The following TRAF5 variants were observed in gnomAD, a reference collection of about 807,000 sequenced individuals.
TRAF5 encodes TNF receptor associated factor 5.
Under a neutral mutation model 64.5 loss-of-function variants are expected in TRAF5, and 48 were observed. The observed-to-expected ratio is 0.74, with a 90% confidence interval of 0.59 to 0.95. The LOEUF (loss-of-function observed/expected upper bound fraction) is 0.95. Among genes scored for constraint, TRAF5 ranks in the 40% least tolerant of loss-of-function variants. The pLI is 0.00. For missense variants in TRAF5, 545 were observed against 662.8 expected (o/e 0.82, Z 1.95); for synonymous variants, 206 against 240.5 (o/e 0.86, Z 1.33).
At chr1:211,349,016 A>G (rs1294666455) in intron 1 of TRAF5, among the ~76,000 whole-genome samples, 1 of 141,554 alleles carries the variant, frequency 7.1e-6, no homozygotes, top group Non-Finnish European at 1.5e-5. Context: ...GCTGGGCAAC[A>G]TAGTGAGACT....
intron 4 of TRAF5, chr1:211,357,370 G>T (rs544481187): frequency 6.6e-6 from 1 of 152,314 alleles, no homozygotes; most frequent in African/African-American, 2.4e-5. Flanking sequence ...GAGGTTCATA[G>T]AACTTTTGTT....
At chr1:211,328,170 CAG>C (rs1477358600) in intron 1 of TRAF5, among the ~76,000 whole-genome samples, 9 of 152,316 alleles carry the variant, frequency 5.9e-5, no homozygotes, top group African/African-American at 9.6e-5. Context: ...AAGCTGAAAA[CAG>C]GGGTGTTAAT....
chr1:211,335,548 C>T (rs1702267814), intron 1 of TRAF5, among the ~76,000 whole-genome samples: 2 of 152,100 alleles, frequency 1.3e-5, no homozygotes, highest in Non-Finnish European at 2.9e-5. Flanking sequence ...TTTACATTCC[C>T]GGCAAGTGCT....
At position 211,372,217 on chromosome 1, in the gene TRAF5, C is replaced by T. The variant is rs1202873238; in HGVS notation, c.1189C>T (p.Leu397=). ...LSKNEERFKL[L]EGTCYNGKLI... ...TAAAAATGAAGAGCGATTTAAACTG[C>T]TGGAGGGTACTTGCTATAATGGAAA... Residue 397 remains leucine (L), a synonymous_variant, in exon 11 of 11, where the codon CTG becomes TTG. Transcript: ENST00000261464. 1.2e-6 allele frequency: 2 copies of T among 1,613,470 alleles called. No individual in the cohort carries two copies. Among genetic ancestry groups the T allele is most frequent in the South Asian group, 1.1e-5 (1 of 91,052 alleles).
chr1:211,334,424 C>G (rs1235227724), intron 1 of TRAF5, among the ~76,000 whole-genome samples: 1 of 152,104 alleles, frequency 6.6e-6, no homozygotes, highest in Non-Finnish European at 1.5e-5. Context: ...TTTGGGAGAC[C>G]GAGGCGGGCT....
chr1:211,363,927 A>G (rs1703265986), intron 7 of TRAF5, among the ~76,000 whole-genome samples: 1 of 151,760 alleles, frequency 6.6e-6, no homozygotes, highest in South Asian at 2.1e-4. Context: ...AAAAAAAAAA[A>G]AAAAAGCAGA....
chr1:211,330,986 A>G (rs1240343365), intron 1 of TRAF5, among the ~76,000 whole-genome samples: 2 of 152,182 alleles, frequency 1.3e-5, no homozygotes, highest in Admixed American at 6.5e-5. Flanking sequence ...TATGATTTGC[A>G]ATATTCAGAA....
In TRAF5 at chr1:211,369,226, G is replaced by T. The variant is rs531656356; in HGVS notation, c.790-226G>T. On this transcript the variant is annotated intron_variant, in intron 8 of 10. Transcript: ENST00000261464. ...TAGGTGAACCATCATAGTAGGTTAG[G>T]TATAGAAAAGGCTGATGAGAAATTC... The T allele has an allele frequency of 2.3e-4, 78 of 338,270 alleles. 1 individual carries two copies. Among genetic ancestry groups the T allele is most frequent in the African/African-American group, 1.6e-3 (74 of 46,682 alleles). 21.0% of individuals were successfully genotyped at this position (338,270 alleles called of 1,614,324 possible).
Position 211,372,800 on chromosome 1 carries a change from AT to A in TRAF5, c.*101del. ...TGACCTGGATTTAGACTCAAAGCAC[AT>A]TTGTATTTGCCTTTTTCCTTAACGT... On this transcript the variant is annotated 3_prime_UTR_variant, in exon 11 of 11. Transcript: ENST00000261464. The A allele has an allele frequency of 8.9e-7, 1 of 1,117,608 alleles. No individual in the cohort carries two copies. The highest frequency in any genetic ancestry group is 1.3e-6 in the Non-Finnish European group (1 of 775,226). The allele number at this position is 1,117,608 out of a possible 1,614,324, so 69.2% of individuals were successfully genotyped here.
intron 7 of TRAF5, among the ~76,000 whole-genome samples, chr1:211,364,583 G>A (rs1254098702): frequency 6.6e-6 from 1 of 152,148 alleles, no homozygotes; most frequent in Non-Finnish European, 1.5e-5. Context: ...CTACTCGGGA[G>A]GCTGAGGCAG....
rs1703593251 is a variant in TRAF5 at position 211,373,191 on chromosome 1, TCA to T, written c.*490_*491del. 1 of 152,514 alleles carries T rather than the reference TCA, an allele frequency of 6.6e-6. No homozygotes were observed. Among genetic ancestry groups the T allele is most frequent in the South Asian group, 2.1e-4 (1 of 4,852 alleles). The allele number at this position is 152,514 out of a possible 1,614,324, so 9.4% of individuals were successfully genotyped here. On this transcript the variant is annotated 3_prime_UTR_variant, in exon 11 of 11. Coordinates refer to ENST00000261464, the MANE Select transcript of TRAF5 (RefSeq NM_001033910.3). ...TGATGTAGTTACAAAGATAATATGC[TCA>T]GTTTGGACCTTTTTTTCAGTTAAAT...
At chr1:211,346,792 G>T (rs768360212) in intron 1 of TRAF5, among the ~76,000 whole-genome samples, 1 of 152,180 alleles carries the variant, frequency 6.6e-6, no homozygotes, top group African/African-American at 2.4e-5. Flanking sequence ...AAATGAATCC[G>T]TAGAGATACG....
intron 1 of TRAF5, among the ~76,000 whole-genome samples, chr1:211,328,129 C>T (rs1416264680): frequency 6.6e-6 from 1 of 152,206 alleles, no homozygotes; most frequent in Non-Finnish European, 1.5e-5. Flanking sequence ...TCTCAAATCC[C>T]AGTGCAGCTG....
intron 10 of TRAF5, among the ~76,000 whole-genome samples, chr1:211,371,904 A>T (rs553054470): frequency 3.9e-4 from 60 of 152,296 alleles, no homozygotes; most frequent in Non-Finnish European, 1.5e-5. Context: ...TCTTCTCTAC[A>T]CTTCAGTGAG....
chr1:211,350,427 G>A (rs892034689), intron 1 of TRAF5, among the ~76,000 whole-genome samples: 1 of 151,694 alleles, frequency 6.6e-6, no homozygotes, highest in Non-Finnish European at 1.5e-5. Flanking sequence ...CAAAAACCCT[G>A]TGTGGCTGGA....
In TRAF5 at chr1:211,326,939, G is replaced by T; in HGVS notation, c.-2+50G>T. 2.0e-6 allele frequency: 2 copies of T among 981,530 alleles called. No individual in the cohort carries two copies. Among genetic ancestry groups the T allele is most frequent in the Non-Finnish European group, 2.4e-6 (2 of 826,216 alleles). The allele number at this position is 981,530 out of a possible 1,614,324, so 60.8% of individuals were successfully genotyped here. ...GGGCACCCTCGCGACGGAAGGGCCG[G>T]GGTGGGGACACCGACGAGCGCTTTT... On this transcript the variant is annotated intron_variant, in intron 1 of 10. Coordinates refer to ENST00000261464, the MANE Select transcript of TRAF5 (RefSeq NM_001033910.3). The surrounding 1 kb of genome is among the most constrained non-coding windows in gnomAD (Gnocchi z 5.0).
intron 8 of TRAF5, among the ~76,000 whole-genome samples, chr1:211,367,372 A>G (rs1220199529): frequency 2.6e-5 from 4 of 152,246 alleles, no homozygotes; most frequent in African/African-American, 9.6e-5. Flanking sequence ...GAGTTTGGAC[A>G]AACTACCTCA....
chr1:211,351,957 C>T (rs909186154), intron 1 of TRAF5, among the ~76,000 whole-genome samples: 1 of 152,034 alleles, frequency 6.6e-6, no homozygotes, highest in African/African-American at 2.4e-5. Context: ...GTCCTTGGCT[C>T]CACAGGTTTT....
chr1:211,372,474 G>C lies in TRAF5; in HGVS notation c.1446G>C (p.Val482=), dbSNP rs1426456563. Residue 482 remains valine (V), a synonymous_variant, in exon 11 of 11, where the codon GTG becomes GTC. Transcript: ENST00000261464. ...TGCAGTGGCCATTCAGGCAGAGGGT[G>C]ACCCTGATGCTTCTGGACCAGAGTG... ...SLLQWPFRQR[V]TLMLLDQSGK... 1.2e-6 allele frequency: 2 copies of C among 1,614,036 alleles called. No individual in the cohort carries two copies. The highest frequency in any genetic ancestry group is 2.7e-5 in the African/African-American group (2 of 74,930).
Sources: gnomAD v4.1 joint callset for allele counts (sites outside exome capture counted in the v4.1 genomes callset) on GRCh38, gnomAD v4.1.1 for gene constraint, Gnocchi (gnomAD v3.1) non-coding constraint, MANE v1.5 for transcripts, NCBI Gene and HGNC (gene_info 2026-07-23, HGNC 2026-07-21) for gene names.